PXDNL: variants seen among roughly 807,000 people sequenced by gnomAD.
PXDNL encodes the protein peroxidasin like, also known as probable oxidoreductase PXDNL.
A neutral mutation model predicts 150.8 loss-of-function variants in PXDNL; 145 were observed. The ratio of observed to expected loss-of-function variants is 0.96; its 90% confidence interval spans 0.84 to 1.10. The LOEUF is 1.10. Among genes scored for constraint, PXDNL ranks in the 50% least tolerant of loss-of-function variants. The pLI is 0.00. For missense variants in PXDNL, 2,087 were observed against 1,873.9 expected, an observed-to-expected ratio of 1.11 and a Z score of -2.10; for synonymous variants, 757 against 725.7, an observed-to-expected ratio of 1.04 and a Z score of -0.69.
At chr8:51,515,731 A>C (rs548544579) in intron 4 of PXDNL, among the ~76,000 whole-genome samples, 1 of 152,222 alleles carries the variant, frequency 6.6e-6, no homozygotes, top group Admixed American at 6.5e-5. Context: ...CTTACTTGTC[A>C]CAAGTGGAAA....
chr8:51,337,582 A>G (rs1805864722), intron 21 of PXDNL, among the ~76,000 whole-genome samples: 1 of 152,214 alleles, frequency 6.6e-6, no homozygotes, highest in African/African-American at 2.4e-5. Flanking sequence ...TCAGATTTTT[A>G]TAAGGCTCAG....
At chr8:51,330,863 G>A (rs1179646862) in intron 21 of PXDNL, among the ~76,000 whole-genome samples, 2 of 152,168 alleles carry the variant, frequency 1.3e-5, no homozygotes, top group Admixed American at 6.5e-5. Context: ...TAAGACTAGA[G>A]TATGACTGAT....
chr8:51,724,688 G>T (rs1816791536), intron 1 of PXDNL, among the ~76,000 whole-genome samples: 1 of 152,164 alleles, frequency 6.6e-6, no homozygotes, highest in Non-Finnish European at 1.5e-5. Context: ...AACAGGCTTT[G>T]TGTGGGTCGC....
intron 4 of PXDNL, among the ~76,000 whole-genome samples, chr8:51,512,935 A>ACTCTC (rs949135650): frequency 2.6e-4 from 3 of 11,454 alleles, no homozygotes; most frequent in East Asian, 0.015. Context: ...CCTCCCACCA[A>ACTCTC]CAGGGGCAAG....
intron 3 of PXDNL, among the ~76,000 whole-genome samples, chr8:51,572,042 T>C (rs562030699): frequency 6.6e-6 from 1 of 151,986 alleles, no homozygotes; most frequent in South Asian, 2.1e-4. Context: ...GATAAACCCA[T>C]TGTAAATTGA....
At chr8:51,403,976 C>T (rs1182071078) in intron 17 of PXDNL, among the ~76,000 whole-genome samples, 5 of 152,202 alleles carry the variant, frequency 3.3e-5, no homozygotes, top group Admixed American at 6.5e-5. Context: ...CGTGGTCTCA[C>T]TGGCTTCAAG....
intron 2 of PXDNL, among the ~76,000 whole-genome samples, chr8:51,644,390 G>A (rs377714633): frequency 0.22 from 6,223 of 28,534 alleles, 789 homozygotes; most frequent in Middle Eastern, 0.31. Context: ...ACACACATAT[G>A]TGTATATATA....
rs372779524 is a variant in PXDNL, at chr8:51,780,628, C to CTTTCTT, written c.164+28547_164+28552dup. ...TAGCTGAGGGAGCTCTCTGGGGCCT[C>CTTTCTT]TTTCTTTTTCTTTTTCTTTTCTTTT... On this transcript the variant is annotated intron_variant, in intron 1 of 22. Transcript: ENST00000356297. Among the ~76,000 whole-genome samples, 217 of 136,034 alleles carry CTTTCTT rather than the reference C, an allele frequency of 1.6e-3. 2 individuals are homozygous for CTTTCTT. The highest frequency in any genetic ancestry group is 5.8e-3 in the African/African-American group (202 of 34,624). The allele number at this position is 136,034 out of a possible 152,430, so 89.2% of individuals were successfully genotyped here.
chr8:51,411,103 T>G, intron 16 of PXDNL, 147 bp downstream of exon 16: 2 of 599,232 alleles, frequency 3.3e-6, no homozygotes, highest in Non-Finnish European at 5.1e-6. Flanking sequence ...ATGAGAAACA[T>G]CTGCATTTAT....
Position 51,493,357 on chromosome 8 carries a change from A to G in PXDNL, c.452+6342T>C, listed in dbSNP as rs183548497. Among the ~76,000 whole-genome samples the G allele has an allele frequency of 3.3e-5, 5 of 152,314 alleles. No homozygotes were observed. The East Asian group carries it at 7.7e-4, about 23-fold the overall frequency. ...AAAAAACAGAGCACAAAAACTGGAA[A>G]CTCTAAAAATCAGAGCGCCTCTCCT... is the stretch of plus-strand genomic sequence containing the variant. On this transcript the variant is annotated intron_variant, in intron 5 of 22. Coordinates refer to ENST00000356297, the MANE Select transcript of PXDNL (RefSeq NM_144651.5).
In PXDNL at chr8:51,413,090, A is replaced by G. The variant is rs531115081; in HGVS notation, c.1904+60T>C. 78 of 1,082,060 alleles carry G rather than the reference A, an allele frequency of 7.2e-5. No homozygotes were observed. The East Asian group carries it at 1.8e-3, about 24-fold the overall frequency. 67.0% of individuals were successfully genotyped at this position (1,082,060 alleles called of 1,614,324 possible). A position where few individuals can be genotyped will look rare whatever the true frequency, so the allele number is the denominator to read the frequency against. ...CTATAATGTGACTTATGGAGATGAT[A>G]AAAACTAAGTAGAACAGAAATGAAA... On this transcript the variant is annotated intron_variant, in intron 15 of 22. Coordinates refer to ENST00000356297, the MANE Select transcript of PXDNL (RefSeq NM_144651.5).
chr8:51,508,370 G>T (rs937932355), intron 4 of PXDNL, among the ~76,000 whole-genome samples: 1 of 152,232 alleles, frequency 6.6e-6, no homozygotes, highest in Non-Finnish European at 1.5e-5. Context: ...GCAGGACAAG[G>T]AGCTCAGCTC....
chr8:51,497,546 G>A (rs1222416704), intron 5 of PXDNL, among the ~76,000 whole-genome samples: 2 of 152,112 alleles, frequency 1.3e-5, no homozygotes, highest in African/African-American at 4.8e-5. Context: ...CTGACAAAGG[G>A]CTAATATCCA....
At chr8:51,724,616 C>A (rs993115877) in intron 1 of PXDNL, among the ~76,000 whole-genome samples, 2 of 152,178 alleles carry the variant, frequency 1.3e-5, no homozygotes, top group East Asian at 3.8e-4. Context: ...ATACATAGTT[C>A]TCCTTAGTCC....
rs1364028279 is a variant in PXDNL, at chr8:51,408,966, C to T, written c.2658G>A (p.Gln886=). 1 of 1,612,504 alleles carries T rather than the reference C, an allele frequency of 6.2e-7. No homozygotes were observed. The highest frequency in any genetic ancestry group is 1.1e-5 in the South Asian group (1 of 91,078). The stretch of plus-strand genomic sequence containing the variant: ...CGATGTAGGCTGTTTGCTGGTTGAT[C>T]TGCTCTCGTGCATAGACTGAATCCA... ...ATVDSVYARE[Q]INQQTAYIDG... Residue 886 remains glutamine (Q), a synonymous_variant, in exon 17 of 23, where the codon CAG becomes CAA. Transcript: ENST00000356297.
intron 1 of PXDNL, among the ~76,000 whole-genome samples, chr8:51,752,390 C>T (rs891367043): frequency 1.4e-4 from 21 of 151,924 alleles, no homozygotes; most frequent in Non-Finnish European, 2.8e-4. Context: ...GCTTTAAGGC[C>T]CACGAAAGGC....
chr8:51,415,691 C>T (rs923502107), intron 14 of PXDNL, among the ~76,000 whole-genome samples: 3 of 152,078 alleles, frequency 2.0e-5, no homozygotes, highest in African/African-American at 7.2e-5. Flanking sequence ...TCTGGGCATA[C>T]ATGGATGGAC....
At chr8:51,394,642 TCTGA>T (rs1808022658) in intron 17 of PXDNL, among the ~76,000 whole-genome samples, 1 of 152,218 alleles carries the variant, frequency 6.6e-6, no homozygotes, top group South Asian at 2.1e-4. Context: ...AGTAAATGTG[TCTGA>T]CTATGTAACA....
chr8:51,586,576 G>A (rs2130641832), intron 3 of PXDNL, among the ~76,000 whole-genome samples: 1 of 152,250 alleles, frequency 6.6e-6, no homozygotes, highest in Non-Finnish European at 1.5e-5. Flanking sequence ...TGTCCTTCAA[G>A]CTTACACTAT....
Sources: gnomAD v4.1 joint callset for allele counts (sites outside exome capture counted in the v4.1 genomes callset) on GRCh38, gnomAD v4.1.1 for gene constraint, MANE v1.5 for transcripts, NCBI Gene and HGNC (gene_info 2026-07-23, HGNC 2026-07-21) for gene names.